The following PHEX variants were observed in gnomAD, a reference collection of about 807,000 sequenced individuals.
The protein encoded by PHEX is phosphate regulating endopeptidase X-linked, also known as phosphate-regulating neutral endopeptidase PHEX.
PHEX carries 16 observed loss-of-function variants against 68.0 expected under a neutral mutation model. The observed-to-expected ratio is 0.24, with a 90% CI of 0.16 to 0.36. The LOEUF is 0.36. PHEX is among the 10% of genes least tolerant of loss of function. PHEX has a pLI of 1.00. For synonymous variants in PHEX, 208 were observed against 205.1 expected, an observed-to-expected ratio of 1.01 and a Z score of -0.12; for missense variants, 480 against 575.5, an observed-to-expected ratio of 0.83 and a Z score of 1.70.
chrX:22,227,211 G>A (rs377494671), intron 19 of PHEX, among the ~76,000 whole-genome samples: 2 of 112,480 alleles, frequency 1.8e-5, no homozygotes, highest in South Asian at 7.3e-4. Flanking sequence ...TTGCCATTGT[G>A]TTAGATTTGT....
intron 1 of PHEX, among the ~76,000 whole-genome samples, chrX:22,036,051 TA>T (rs1468688501): frequency 0.013 from 746 of 59,244 alleles, 23 homozygotes; most frequent in African/African-American, 0.054. Flanking sequence ...TATATATATA[TA>T]TATTTTTTTT....
rs141248947 is a variant in PHEX at position 22,102,283 on chromosome X, T to C, written c.1079+3132T>C. On this transcript the variant is annotated intron_variant, in intron 9 of 21. Transcript: ENST00000379374. Reference sequence around the variant, plus strand: ...TTCTCTATCTCTATGAATTCAATTATTTTAATTGTTAGCTCCCACAGATAA... The same window carrying C: ...TTCTCTATCTCTATGAATTCAATTACTTTAATTGTTAGCTCCCACAGATAA... Among the ~76,000 whole-genome samples the C allele has an allele frequency of 5.0e-3, 556 of 111,533 alleles. 3 individuals carry two copies. Among genetic ancestry groups the C allele is most frequent in the African/African-American group, 0.017 (511 of 30,658 alleles).
At chrX:22,202,255 G>GA (rs1225539768) in intron 15 of PHEX, among the ~76,000 whole-genome samples, 1 of 111,706 alleles carries the variant, frequency 9.0e-6, no homozygotes, top group Non-Finnish European at 1.9e-5. Flanking sequence ...GTTCAATTGA[G>GA]AAAACACCTT....
intron 20 of PHEX, among the ~76,000 whole-genome samples, chrX:22,232,554 ATTTAAAGTCTGT>A (rs777493995): frequency 1.2e-3 from 85 of 69,845 alleles, no homozygotes; most frequent in African/African-American, 4.4e-3. Context: ...ATCTTTGTTC[ATTTAAAGTCTGT>A]TTTATCAGAG....
chrX:22,113,210 A>G (rs1203758698), intron 10 of PHEX, among the ~76,000 whole-genome samples: 1 of 112,081 alleles, frequency 8.9e-6, no homozygotes, highest in African/African-American at 3.2e-5. Flanking sequence ...AGTGCTAAAT[A>G]TAATATTGAA....
At chrX:22,072,946 C>T (rs772891534) in intron 3 of PHEX, among the ~76,000 whole-genome samples, 1 of 112,008 alleles carries the variant, frequency 8.9e-6, no homozygotes, top group Non-Finnish European at 1.9e-5. Context: ...AGAATGTGAG[C>T]AGAATATTTT....
At chrX:22,150,679 G>A (rs775298871) in intron 12 of PHEX, among the ~76,000 whole-genome samples, 120 of 112,149 alleles carry the variant, frequency 1.1e-3, no homozygotes, top group African/African-American at 3.6e-3. Flanking sequence ...AGCTTTCCCT[G>A]TCTCAAGTTT....
intron 5 of PHEX, among the ~76,000 whole-genome samples, chrX:22,080,660 T>A (rs1340153382): frequency 2.7e-5 from 3 of 111,245 alleles, no homozygotes; most frequent in Non-Finnish European, 3.8e-5. Flanking sequence ...GGATGAACAT[T>A]TGAAGCCCCC....
chrX:22,127,817 C>T (rs1053420156), intron 11 of PHEX, among the ~76,000 whole-genome samples: 1 of 109,809 alleles, frequency 9.1e-6, no homozygotes, highest in African/African-American at 3.3e-5. Context: ...GTGATTTACC[C>T]GCGTTTTGAC....
intron 20 of PHEX, among the ~76,000 whole-genome samples, chrX:22,242,771 A>G (rs1168906909): frequency 1.8e-5 from 2 of 112,044 alleles, no homozygotes; most frequent in East Asian, 2.8e-4. Context: ...GCTCAACAAA[A>G]TAAAAAGAGG....
intron 2 of PHEX, among the ~76,000 whole-genome samples, chrX:22,045,953 C>T (rs1474728866): frequency 8.9e-6 from 1 of 112,635 alleles, no homozygotes; most frequent in African/African-American, 3.2e-5. Context: ...ATATGAACTT[C>T]TGTTTCCATT....
intron 12 of PHEX, among the ~76,000 whole-genome samples, chrX:22,148,557 A>T (rs1202013867): frequency 1.8e-5 from 2 of 111,087 alleles, no homozygotes; most frequent in African/African-American, 6.5e-5. Flanking sequence ...GCCACCATGC[A>T]GTACAATTGG....
At chrX:22,081,700 G>C (rs1014599070) in intron 5 of PHEX, among the ~76,000 whole-genome samples, 1 of 111,328 alleles carries the variant, frequency 9.0e-6, no homozygotes, top group African/African-American at 3.3e-5. Context: ...TCTACACAGC[G>C]TACTTCTGCA....
chrX:22,235,976 A>G (rs1935963214), intron 20 of PHEX, among the ~76,000 whole-genome samples: 1 of 111,353 alleles, frequency 9.0e-6, no homozygotes, highest in African/African-American at 3.3e-5. Flanking sequence ...AATTTTCAGT[A>G]TGATCCAACT....
intron 11 of PHEX, among the ~76,000 whole-genome samples, chrX:22,122,974 T>C (rs1416858100): frequency 1.9e-5 from 2 of 102,727 alleles, no homozygotes; most frequent in African/African-American, 3.8e-5. Flanking sequence ...ACTAGGGAGA[T>C]AGGGTCTGCA....
At chrX:22,209,948 A>C (rs113838302) in intron 15 of PHEX, among the ~76,000 whole-genome samples, 1 of 107,597 alleles carries the variant, frequency 9.3e-6, no homozygotes, top group East Asian at 2.8e-4. Flanking sequence ...GGTAAAAAAA[A>C]AAAAAAATAA....
intron 15 of PHEX, among the ~76,000 whole-genome samples, chrX:22,200,376 A>G (rs1934509248): frequency 8.9e-6 from 1 of 112,101 alleles, no homozygotes; most frequent in South Asian, 3.7e-4. Context: ...TGGGAGGCTG[A>G]GGTGGGTGGA....
chrX:22,162,311 C>A (rs1280964967), intron 12 of PHEX, among the ~76,000 whole-genome samples: 1 of 112,397 alleles, frequency 8.9e-6, no homozygotes, highest in Non-Finnish European at 1.9e-5. Context: ...GCCTCAATAG[C>A]TTTTCTCCCT....
chrX:22,100,414 A>G (rs1464300423), intron 9 of PHEX, among the ~76,000 whole-genome samples: 1 of 112,033 alleles, frequency 8.9e-6, no homozygotes, highest in Non-Finnish European at 1.9e-5. Context: ...CTAGCTCTCA[A>G]ATACTATAAA....
Sources: gnomAD v4.1 joint callset for allele counts (sites outside exome capture counted in the v4.1 genomes callset) on GRCh38, gnomAD v4.1.1 for gene constraint, MANE v1.5 for transcripts, NCBI Gene and HGNC (gene_info 2026-07-23, HGNC 2026-07-21) for gene names.